The following CLEC4A variants were observed in gnomAD, a reference collection of about 807,000 sequenced individuals.
The protein encoded by CLEC4A is C-type (calcium dependent, carbohydrate-recognition domain) lectin, superfamily member 6.
CLEC4A carries 27 observed loss-of-function variants against 32.7 expected under a neutral mutation model. The ratio of observed to expected loss-of-function variants is 0.83; its 90% confidence interval spans 0.61 to 1.14. The LOEUF (loss-of-function observed/expected upper bound fraction) is 1.14. Ranked by LOEUF, CLEC4A falls within the 50% of genes most tolerant of loss-of-function variation. CLEC4A has a pLI of 0.00. For missense variants in CLEC4A, 253 were observed against 274.6 expected (o/e 0.92, Z 0.55); for synonymous variants, 89 against 93.7 (o/e 0.95, Z 0.29).
chr12:8,122,833 T>C (rs751260537), upstream of CLEC4A, among the ~76,000 whole-genome samples: 12 of 152,152 alleles, frequency 7.9e-5, no homozygotes, highest in East Asian at 1.4e-3. Context: ...TGTGTGTGCA[T>C]GCATGTATGC....
the CLEC4A span, among the ~76,000 whole-genome samples, chr12:8,111,921 A>ATG: frequency 6.1e-4 from 67 of 109,650 alleles, no homozygotes; most frequent in Admixed American, 4.5e-3. Flanking sequence ...GTGAGTGTGT[A>ATG]TATGTGTGTG....
chr12:8,109,725 A>G, the CLEC4A span, among the ~76,000 whole-genome samples: 1 of 152,174 alleles, frequency 6.6e-6, no homozygotes, highest in South Asian at 2.1e-4. Context: ...TCTAAAAAAT[A>G]TATAAAGTAA....
At chr12:8,116,080 C>A in the CLEC4A span, among the ~76,000 whole-genome samples, 1 of 152,090 alleles carries the variant, frequency 6.6e-6, no homozygotes, top group African/African-American at 2.4e-5. Context: ...TCTGCCTCAG[C>A]CTCCCAAGTA....
rs1175196681 is a variant in CLEC4A at position 8,129,299 on chromosome 12, A to C, written c.235A>C (p.Lys79Gln). Residue 79 changes from lysine to glutamine, a missense_variant, in exon 3 of 6, where the codon AAG becomes CAG. Transcript: ENST00000229332. ...FQKYSQLLEK[K>Q]TTKELVHTTL... The stretch of plus-strand genomic sequence containing the variant: ...AAAATATTCTCAGCTTCTTGAAAAA[A>C]AGACTACAAAAGAGCTGGTTCATAC... 6.2e-7 allele frequency: 1 copy of C among 1,605,710 alleles called. No homozygotes were observed. Among genetic ancestry groups the C allele is most frequent in the South Asian group, 1.1e-5 (1 of 88,496 alleles).
chr12:8,129,442 C>A (rs1438255060), intron 3 of CLEC4A, 80 bp downstream of exon 3: 8 of 921,030 alleles, frequency 8.7e-6, no homozygotes, highest in Non-Finnish European at 1.4e-5. Flanking sequence ...GTAAGATTCC[C>A]AGGTAGATCA....
chr12:8,132,977 C>A (rs986482108), intron 3 of CLEC4A, among the ~76,000 whole-genome samples: 1 of 151,942 alleles, frequency 6.6e-6, no homozygotes, highest in South Asian at 2.1e-4. Context: ...TGCAGTGGTG[C>A]GATCTCAGCT....
At chr12:8,103,371 C>CTTTTTTTTTTTTTTTTT in the CLEC4A span, among the ~76,000 whole-genome samples, 1 of 49,024 alleles carries the variant, frequency 2.0e-5, no homozygotes, top group Non-Finnish European at 4.1e-5. Flanking sequence ...TTGTTTCTTT[C>CTTTTTTTTTTTTTTTTT]TGTTGTTTTT....
intron 3 of CLEC4A, chr12:8,133,909 G>A: frequency 6.2e-7 from 1 of 1,600,828 alleles, no homozygotes; most frequent in Non-Finnish European, 8.5e-7. Context: ...GGGGCCCTGG[G>A]GCCAGAGGAA....
At chr12:8,103,373 GTT>G in the CLEC4A span, among the ~76,000 whole-genome samples, 6 of 78,024 alleles carry the variant, frequency 7.7e-5, no homozygotes, top group African/African-American at 2.2e-4. Flanking sequence ...GTTTCTTTCT[GTT>G]GTTTTTTTTT....
chr12:8,112,958 G>A, the CLEC4A span, among the ~76,000 whole-genome samples: 11 of 151,254 alleles, frequency 7.3e-5, no homozygotes, highest in South Asian at 2.1e-4. Flanking sequence ...TATATCCATT[G>A]TCCATTTTTT....
chr12:8,129,310 A>G lies in CLEC4A; in HGVS notation c.246A>G (p.Lys82=). Residue 82 remains lysine (K), a synonymous_variant, in exon 3 of 6, where the codon AAA becomes AAG. Coordinates refer to ENST00000229332, the MANE Select transcript of CLEC4A (RefSeq NM_016184.4). The stretch of plus-strand genomic sequence containing the variant: ...AGCTTCTTGAAAAAAAGACTACAAA[A>G]GAGCTGGTTCATACAACATTGGAGT... ...YSQLLEKKTT[K]ELVHTTLECV... 1 of 1,607,740 alleles carries G rather than the reference A, an allele frequency of 6.2e-7. No individual in the cohort carries two copies. Among genetic ancestry groups the G allele is most frequent in the Non-Finnish European group, 8.5e-7 (1 of 1,178,344 alleles).
chr12:8,134,169 C>T, intron 3 of CLEC4A: 1 of 1,609,098 alleles, frequency 6.2e-7, no homozygotes, highest in Non-Finnish European at 8.5e-7. Flanking sequence ...CTCTTTCGGG[C>T]CTGCACGAGG....
the CLEC4A span, among the ~76,000 whole-genome samples, chr12:8,112,897 T>C: frequency 1.3e-5 from 2 of 152,198 alleles, no homozygotes; most frequent in South Asian, 4.1e-4. Context: ...TTCCACTTTT[T>C]ATCATGAATA....
At chr12:8,115,936 G>A in the CLEC4A span, among the ~76,000 whole-genome samples, 10 of 152,046 alleles carry the variant, frequency 6.6e-5, no homozygotes, top group Middle Eastern at 3.4e-3. Context: ...CTATAGGTGT[G>A]TGCTACCATG....
the CLEC4A span, among the ~76,000 whole-genome samples, chr12:8,110,195 CA>C: frequency 2.6e-5 from 4 of 152,132 alleles, no homozygotes; most frequent in Non-Finnish European, 5.9e-5. Flanking sequence ...AATCTTCACA[CA>C]AACCCCTGGG....
chr12:8,109,836 TGGG>T, the CLEC4A span, among the ~76,000 whole-genome samples: 1,258 of 152,222 alleles, frequency 8.3e-3, 19 homozygotes, highest in African/African-American at 0.029. Flanking sequence ...AGGTGTGTAA[TGGG>T]ATGGTGTAAG....
At chr12:8,104,910 C>CT in the CLEC4A span, among the ~76,000 whole-genome samples, 25 of 152,202 alleles carry the variant, frequency 1.6e-4, no homozygotes, top group Middle Eastern at 3.4e-3. Flanking sequence ...TGTTCTTTTT[C>CT]TTTTTTTATG....
chr12:8,135,057 T>G, intron 3 of CLEC4A, among the ~76,000 whole-genome samples: 1 of 83,846 alleles, frequency 1.2e-5, no homozygotes, highest in African/African-American at 4.1e-5. Flanking sequence ...CTTTTTTTTT[T>G]TTTTTTTTTT....
intron 3 of CLEC4A, chr12:8,134,441 C>T (rs1260711000): frequency 5.6e-6 from 9 of 1,613,330 alleles, no homozygotes; most frequent in Non-Finnish European, 7.6e-6. Flanking sequence ...CTTTGATGTC[C>T]TGGGACTCCT....
Sources: gnomAD v4.1 joint callset for allele counts (sites outside exome capture counted in the v4.1 genomes callset) on GRCh38, gnomAD v4.1.1 for gene constraint, MANE v1.5 for transcripts, NCBI Gene and HGNC (gene_info 2026-07-23, HGNC 2026-07-21) for gene names.